Variants in HEMK2 observed in about 807,000 individuals in gnomAD.
HEMK2 encodes methyltransferase HEMK2.
the HEMK2 span, among the ~76,000 whole-genome samples, chr21:28,598,184 C>T: frequency 5.9e-5 from 9 of 152,270 alleles, no homozygotes; most frequent in African/African-American, 9.6e-5. Flanking sequence ...CCCTGGAAGA[C>T]GAGCTCTGAG....
chr21:28,649,388 C>T, the HEMK2 span, among the ~76,000 whole-genome samples: 46,287 of 152,068 alleles, frequency 0.3, 7,684 homozygotes, highest in East Asian at 0.46. Flanking sequence ...CAAAACATAT[C>T]ACCTCAGTGA....
At chr21:28,721,565 TAGAC>T in the HEMK2 span, among the ~76,000 whole-genome samples, 1 of 152,186 alleles carries the variant, frequency 6.6e-6, no homozygotes, top group Non-Finnish European at 1.5e-5. Context: ...GTGTTTGTAT[TAGAC>T]AGTGCTGATT....
chr21:28,702,288 A>T, the HEMK2 span, among the ~76,000 whole-genome samples: 3 of 145,558 alleles, frequency 2.1e-5, no homozygotes, highest in African/African-American at 8.0e-5. Flanking sequence ...CTTATGACAA[A>T]GATGCCAAAA....
the HEMK2 span, among the ~76,000 whole-genome samples, chr21:28,758,530 T>C: frequency 6.6e-6 from 1 of 152,012 alleles, no homozygotes; most frequent in African/African-American, 2.4e-5. Flanking sequence ...AGTGAGGAGC[T>C]CAGCAACTGG....
At chr21:28,644,486 T>A in the HEMK2 span, among the ~76,000 whole-genome samples, 3,549 of 152,268 alleles carry the variant, frequency 0.023, 69 homozygotes, top group Middle Eastern at 0.075. Context: ...ATGGAAAATG[T>A]GTGCCTAGAA....
chr21:28,644,325 C>T, the HEMK2 span, among the ~76,000 whole-genome samples: 1 of 152,112 alleles, frequency 6.6e-6, no homozygotes, highest in East Asian at 1.9e-4. Flanking sequence ...GGGGAGACCG[C>T]CCCATAATTC....
the HEMK2 span, among the ~76,000 whole-genome samples, chr21:28,689,736 C>T: frequency 2.0e-5 from 3 of 152,100 alleles, no homozygotes; most frequent in Admixed American, 1.3e-4. Flanking sequence ...GGGAGCTTAT[C>T]CTGTATTCTC....
chr21:28,752,622 C>T, the HEMK2 span, among the ~76,000 whole-genome samples: 13 of 152,260 alleles, frequency 8.5e-5, no homozygotes, highest in East Asian at 2.3e-3. Context: ...CCACACACAG[C>T]GAACAGAGCC....
chr21:28,882,352 T>G, the HEMK2 span: 1 of 839,592 alleles, frequency 1.2e-6, no homozygotes, highest in South Asian at 1.6e-5. Flanking sequence ...CAGAACAGAT[T>G]TAGAAAAAAA....
chr21:28,874,627 T>C, the HEMK2 span: 1 of 152,282 alleles, frequency 6.6e-6, no homozygotes, highest in Non-Finnish European at 1.5e-5. Context: ...AGAGGCCTAC[T>C]AGTATCCACA....
chr21:28,583,683 T>C, the HEMK2 span, among the ~76,000 whole-genome samples: 26 of 152,342 alleles, frequency 1.7e-4, no homozygotes, highest in African/African-American at 5.5e-4. Flanking sequence ...GGAAGTCTTG[T>C]TAAGACAGGT....
chr21:28,746,746 T>C, the HEMK2 span, among the ~76,000 whole-genome samples: 3 of 150,960 alleles, frequency 2.0e-5, no homozygotes, highest in African/African-American at 7.3e-5. Flanking sequence ...TGCAAAAACT[T>C]TGAGAAGGGA....
the HEMK2 span, among the ~76,000 whole-genome samples, chr21:28,654,698 C>T: frequency 3.3e-5 from 5 of 152,160 alleles, no homozygotes; most frequent in South Asian, 1.0e-3. Flanking sequence ...TGAAACAAGT[C>T]AATGAAATCT....
chr21:28,621,944 C>T, the HEMK2 span, among the ~76,000 whole-genome samples: 6 of 152,152 alleles, frequency 3.9e-5, no homozygotes, highest in Non-Finnish European at 8.8e-5. Flanking sequence ...CCTTCTTCGT[C>T]TTTTTTTATC....
the HEMK2 span, among the ~76,000 whole-genome samples, chr21:28,857,588 T>G: frequency 6.6e-6 from 1 of 152,202 alleles, no homozygotes; most frequent in African/African-American, 2.4e-5. Context: ...GATTTATAAA[T>G]GTAATATACT....
chr21:28,795,289 T>C, the HEMK2 span, among the ~76,000 whole-genome samples: 1 of 152,196 alleles, frequency 6.6e-6, no homozygotes, highest in East Asian at 1.9e-4. Context: ...AAACTAAGAA[T>C]GGGTGAGGAA....
chr21:28,754,803 TA>T, the HEMK2 span, among the ~76,000 whole-genome samples: 1 of 152,166 alleles, frequency 6.6e-6, no homozygotes, highest in East Asian at 1.9e-4. Flanking sequence ...TAAGGTCAAA[TA>T]AAAAACTGTT....
the HEMK2 span, among the ~76,000 whole-genome samples, chr21:28,684,523 T>G: frequency 6.6e-6 from 1 of 152,224 alleles, no homozygotes; most frequent in Non-Finnish European, 1.5e-5. Flanking sequence ...GACTACAAGG[T>G]AATAGTTCAA....
At chr21:28,732,322 T>G in the HEMK2 span, among the ~76,000 whole-genome samples, 3 of 152,228 alleles carry the variant, frequency 2.0e-5, no homozygotes, top group Non-Finnish European at 4.4e-5. Flanking sequence ...TAAATGGTAT[T>G]TCAGTGCCAC....
Sources: allele counts gnomAD v4.1 joint callset (sites outside exome capture counted in the v4.1 genomes callset), GRCh38; gene constraint gnomAD v4.1.1; transcripts MANE v1.5; gene names NCBI Gene and HGNC (gene_info 2026-07-23, HGNC 2026-07-21).